GLI2: variants seen among roughly 807,000 people sequenced by gnomAD.
The protein encoded by GLI2 is GLI family zinc finger 2.
A neutral mutation model predicts 78.9 loss-of-function variants in GLI2; 22 were observed. The ratio of observed to expected loss-of-function variants is 0.28; its 90% CI spans 0.20 to 0.40. The LOEUF (loss-of-function observed/expected upper bound fraction) is 0.40, where lower values mean the gene tolerates loss of function less well. Among genes scored for constraint, GLI2 ranks in the 10% least tolerant of loss-of-function variants. GLI2 has a pLI of 1.00. For missense variants in GLI2, 2,097 were observed against 2,213.2 expected, an observed-to-expected ratio of 0.95 and a Z score of 1.05; for synonymous variants, 974 against 963.7, an observed-to-expected ratio of 1.01 and a Z score of -0.20.
chr2:120,805,405 T>C (rs1171384166), intron 2 of GLI2, among the ~76,000 whole-genome samples: 1 of 152,246 alleles, frequency 6.6e-6, no homozygotes, highest in Non-Finnish European at 1.5e-5. Flanking sequence ...TGCCGGTGGC[T>C]CCTGCCCCTG....
At chr2:120,878,187 C>A (rs1688854243) in intron 2 of GLI2, among the ~76,000 whole-genome samples, 1 of 152,208 alleles carries the variant, frequency 6.6e-6, no homozygotes, top group Non-Finnish European at 1.5e-5. Flanking sequence ...CCTATTTGTT[C>A]TTCCTTCAGC....
At chr2:120,975,257 G>A in intron 9 of GLI2, 148 bp downstream of exon 9, 1 of 694,202 alleles carries the variant, frequency 1.4e-6, no homozygotes. Context: ...CAAGTGGGAG[G>A]CATAATTACT....
chr2:120,919,845 C>T (rs113418696), intron 2 of GLI2, among the ~76,000 whole-genome samples: 4 of 912 alleles, frequency 4.4e-3, no homozygotes, highest in African/African-American at 5.8e-3. Context: ...GACCCTGGAG[C>T]GGCCAATTGC....
intron 2 of GLI2, among the ~76,000 whole-genome samples, chr2:120,885,304 C>T (rs1002740661): frequency 1.2e-4 from 18 of 152,204 alleles, no homozygotes; most frequent in Non-Finnish European, 1.9e-4. Flanking sequence ...TGTCAGATGC[C>T]TGCTCCAGAG....
At chr2:120,950,167 G>C (rs1371059030) in intron 3 of GLI2, among the ~76,000 whole-genome samples, 1 of 152,202 alleles carries the variant, frequency 6.6e-6, no homozygotes, top group African/African-American at 2.4e-5. Context: ...CCATTCCACA[G>C]ATGAGGAAAC....
intron 2 of GLI2, among the ~76,000 whole-genome samples, chr2:120,860,663 A>G (rs1450558096): frequency 5.9e-5 from 9 of 152,210 alleles, no homozygotes; most frequent in Middle Eastern, 6.8e-3. Context: ...TGCAGGAGGG[A>G]CCTGGGTGTA....
chr2:120,898,274 C>G (rs1178783838), intron 2 of GLI2, among the ~76,000 whole-genome samples: 1 of 151,278 alleles, frequency 6.6e-6, no homozygotes, highest in African/African-American at 2.4e-5. Flanking sequence ...TATATTTTCC[C>G]CAGACATTTA....
intron 2 of GLI2, among the ~76,000 whole-genome samples, chr2:120,848,950 G>C (rs1005563016): frequency 2.0e-5 from 3 of 152,126 alleles, no homozygotes; most frequent in African/African-American, 7.2e-5. Context: ...GGATGATGAA[G>C]GCAAGGATAA....
At chr2:120,744,898 C>A (rs1682650736) in intron 1 of GLI2, among the ~76,000 whole-genome samples, 1 of 152,094 alleles carries the variant, frequency 6.6e-6, no homozygotes, top group Admixed American at 6.5e-5. Context: ...GCATTTTATC[C>A]AGGATTTTTA....
intron 1 of GLI2, among the ~76,000 whole-genome samples, chr2:120,768,846 G>T (rs1234767778): frequency 1.3e-5 from 2 of 151,126 alleles, no homozygotes; most frequent in African/African-American, 4.9e-5. Context: ...TGTGCACCCT[G>T]CCCCACTCCG....
At chr2:120,763,128 GGTTCTCTGAAT>G (rs568771735) in intron 1 of GLI2, among the ~76,000 whole-genome samples, 102 of 152,248 alleles carry the variant, frequency 6.7e-4, no homozygotes, top group Middle Eastern at 3.4e-3. Context: ...CTTAATCTTG[GGTTCTCTGAAT>G]GTGCCCTTCC....
At chr2:120,754,947 G>A (rs1427806157) in intron 1 of GLI2, among the ~76,000 whole-genome samples, 5 of 151,910 alleles carry the variant, frequency 3.3e-5, no homozygotes, top group African/African-American at 9.7e-5. Context: ...CCGCCTCCGG[G>A]TGCAAAGGAT....
chr2:120,982,591 A>T, intron 10 of GLI2, 125 bp from the exon 11 acceptor site: 1 of 739,318 alleles, frequency 1.4e-6, no homozygotes, highest in Middle Eastern at 2.9e-4. Flanking sequence ...TATCCTTAAA[A>T]TGCATGCTTC....
chr2:120,773,011 A>G (rs922839879), intron 1 of GLI2, among the ~76,000 whole-genome samples: 8 of 152,156 alleles, frequency 5.3e-5, no homozygotes, highest in African/African-American at 1.7e-4. Flanking sequence ...ATTGCTCTCA[A>G]TGTCTGATAT....
chr2:120,766,191 C>G (rs1255635735), intron 1 of GLI2, among the ~76,000 whole-genome samples: 2 of 152,232 alleles, frequency 1.3e-5, no homozygotes, highest in Admixed American at 1.3e-4. Context: ...CCCTCTGTGA[C>G]CTCGCAGCCT....
chr2:120,903,074 G>A (rs1399206049), intron 2 of GLI2, among the ~76,000 whole-genome samples: 1 of 150,744 alleles, frequency 6.6e-6, no homozygotes, highest in Non-Finnish European at 1.5e-5. Context: ...GACAACATGG[G>A]GGAATAAACT....
intron 1 of GLI2, among the ~76,000 whole-genome samples, chr2:120,780,608 G>T (rs928938136): frequency 9.2e-5 from 14 of 152,208 alleles, no homozygotes; most frequent in Non-Finnish European, 1.5e-5. Context: ...GAGGCCTCTG[G>T]CCCCATGGCG....
intron 2 of GLI2, among the ~76,000 whole-genome samples, chr2:120,915,714 G>A (rs944436998): frequency 6.6e-6 from 1 of 152,154 alleles, no homozygotes; most frequent in Non-Finnish European, 1.5e-5. Flanking sequence ...TCTCAGAACA[G>A]ACCAAGGCTC....
At chr2:120,887,178 T>A (rs1008854571) in intron 2 of GLI2, among the ~76,000 whole-genome samples, 1 of 152,136 alleles carries the variant, frequency 6.6e-6, no homozygotes, top group Admixed American at 6.5e-5. Context: ...ACATGGCAAG[T>A]GGTAGATGTC....
Sources: allele counts gnomAD v4.1 joint callset (sites outside exome capture counted in the v4.1 genomes callset), GRCh38; gene constraint gnomAD v4.1.1; transcripts MANE v1.5; gene names NCBI Gene and HGNC (gene_info 2026-07-23, HGNC 2026-07-21).